RPGRIP1: variants seen among roughly 807,000 people sequenced by gnomAD.
RPGRIP1 encodes the protein X-linked retinitis pigmentosa GTPase regulator-interacting protein 1.
In RPGRIP1, 128 loss-of-function variants were observed where a neutral mutation model predicts 157.9. That is an observed-to-expected ratio of 0.81 (90% CI 0.70 to 0.94). RPGRIP1 has a LOEUF of 0.94. Ranked by LOEUF, RPGRIP1 falls within the 40% of genes least tolerant of loss-of-function variation. The pLI is 0.00. For missense variants in RPGRIP1, 1,486 were observed against 1,545.8 expected (o/e 0.96, Z 0.65); for synonymous variants, 554 against 571.6 (o/e 0.97, Z 0.44).
intron 21 of RPGRIP1, among the ~76,000 whole-genome samples, chr14:21,341,750 G>A (rs1594262014): frequency 6.6e-6 from 1 of 152,056 alleles, no homozygotes; most frequent in Non-Finnish European, 1.5e-5. Flanking sequence ...ACTGTGAAGT[G>A]GGATTGAAAA....
intron 2 of RPGRIP1, among the ~76,000 whole-genome samples, chr14:21,291,364 T>A (rs1183558967): frequency 6.6e-6 from 1 of 152,242 alleles, no homozygotes; most frequent in East Asian, 1.9e-4. Flanking sequence ...GTTCAGGAAC[T>A]ACCTACCTGG....
chr14:21,333,313 T>C (rs1207965749), intron 20 of RPGRIP1, among the ~76,000 whole-genome samples: 1 of 152,138 alleles, frequency 6.6e-6, no homozygotes, highest in Non-Finnish European at 1.5e-5. Flanking sequence ...CATTTCCACA[T>C]ATGTAGACAA....
chr14:21,304,420 A>G lies in RPGRIP1; in HGVS notation c.800+877A>G, dbSNP rs149548010. 3.0e-3 allele frequency among the ~76,000 whole-genome samples: 455 copies of G among 150,908 alleles called. 3 individuals carry two copies. Among genetic ancestry groups the G allele is most frequent in the African/African-American group, 0.01 (417 of 41,190 alleles). On this transcript the variant is annotated intron_variant, in intron 6 of 24. Coordinates refer to ENST00000400017, the MANE Select transcript of RPGRIP1 (RefSeq NM_020366.4). ...GAAAGAAAGAAAGAAAGAAAGAAAG[A>G]AAGAAAGAAAGAAAGAAAGAAAGAA...
chr14:21,314,327 G>A (rs1881672745), intron 10 of RPGRIP1, among the ~76,000 whole-genome samples: 1 of 152,094 alleles, frequency 6.6e-6, no homozygotes, highest in South Asian at 2.1e-4. Flanking sequence ...CAAGTGATCT[G>A]CCTGCCTTGG....
intron 8 of RPGRIP1, 129 bp from the exon 9 acceptor site, chr14:21,311,695 A>T (rs1405932620): frequency 5.7e-6 from 4 of 700,736 alleles, no homozygotes; most frequent in East Asian, 2.8e-5. Flanking sequence ...AACAGTACAA[A>T]GGTAATAAGC....
At chr14:21,350,839 A>T (rs1311849744) in intron 24 of RPGRIP1, among the ~76,000 whole-genome samples, 1 of 152,172 alleles carries the variant, frequency 6.6e-6, no homozygotes, top group African/African-American at 2.4e-5. Context: ...AATCCACTTA[A>T]GACTTTTCTG....
At chr14:21,339,632 A>G (rs1040658413) in intron 21 of RPGRIP1, among the ~76,000 whole-genome samples, 1 of 152,110 alleles carries the variant, frequency 6.6e-6, no homozygotes, top group African/African-American at 2.4e-5. Flanking sequence ...TTAACTGCTG[A>G]TCGATATTGC....
intron 19 of RPGRIP1, 48 bp from the exon 20 acceptor site, chr14:21,330,201 A>G (rs1374416021): frequency 1.4e-6 from 2 of 1,389,604 alleles, no homozygotes. Context: ...TGAAGAAAGA[A>G]AACCAAGATA....
intron 2 of RPGRIP1, among the ~76,000 whole-genome samples, chr14:21,293,701 A>G (rs1880631099): frequency 1.3e-5 from 2 of 151,934 alleles, no homozygotes; most frequent in Non-Finnish European, 2.9e-5. Context: ...ACATGGAGAA[A>G]CCCCGTCTCT....
At chr14:21,292,374 A>T (rs995561174) in intron 2 of RPGRIP1, among the ~76,000 whole-genome samples, 42 of 152,100 alleles carry the variant, frequency 2.8e-4, no homozygotes, top group African/African-American at 9.9e-4. Flanking sequence ...AGAAAAAAAA[A>T]TTTTGATGTC....
Position 21,282,502 on chromosome 14 carries a change from CT to C in RPGRIP1, c.-39+2344del, listed in dbSNP as rs34098826. Among the ~76,000 whole-genome samples the C allele has an allele frequency of 5.3e-3, 799 of 152,162 alleles. 7 individuals are homozygous for C. Among genetic ancestry groups the C allele is most frequent in the African/African-American group, 0.018 (749 of 41,516 alleles). On this transcript the variant is annotated intron_variant, in intron 1 of 24. Coordinates refer to ENST00000400017, the MANE Select transcript of RPGRIP1 (RefSeq NM_020366.4). ...CAGCCCGCCTCAGCCTCCCATAGTG[CT>C]GGGATTACAGGCGTGAGCCACCACG...
chr14:21,294,653 A>G, intron 2 of RPGRIP1, 24 bp from the exon 3 acceptor site: 2 of 1,610,930 alleles, frequency 1.2e-6, no homozygotes, highest in Non-Finnish European at 1.7e-6. Context: ...AATACTGTCC[A>G]TTTACTGTTT....
Position 21,288,041 on chromosome 14 carries a change from T to C in RPGRIP1, c.65T>C (p.Leu22Pro). The change falls in exon 2 of 25, where the codon CTG (leucine) becomes CCG (proline). Residue 22 changes from leucine to proline, a missense_variant. By Grantham distance (98) the Leu-to-Pro change is moderately conservative (BLOSUM62 -3). Transcript: ENST00000400017. ...LPVRDIDAIP[L>P]VLPASKGKNM... ...GTTAGAGACATAGATGCTATACCTC[T>C]GGTGCTACCAGCCTCAAAAGGTAAC... 3 of 1,612,668 alleles carry C rather than the reference T, an allele frequency of 1.9e-6. No individual in the cohort carries two copies. Among genetic ancestry groups the C allele is most frequent in the Non-Finnish European group, 2.5e-6 (3 of 1,178,706 alleles).
At chr14:21,307,160 CGATTCTCTTGCCCAGTGTCCATAGCT>C (rs1881351881) in intron 6 of RPGRIP1, among the ~76,000 whole-genome samples, 2 of 152,154 alleles carry the variant, frequency 1.3e-5, no homozygotes, top group Admixed American at 1.3e-4. Flanking sequence ...GCAGTTCAAG[CGATTCTCTTGCCCAGTGTCCATAGCT>C]GGGATGACAG....
chr14:21,311,933 T>G lies in RPGRIP1; in HGVS notation c.1040T>G (p.Leu347Arg), dbSNP rs374092592. The change falls in exon 9 of 25, where the codon CTG becomes CGG. Residue 347 changes from leucine (L) to arginine (R), a missense_variant. Coordinates refer to ENST00000400017, the MANE Select transcript of RPGRIP1 (RefSeq NM_020366.4). ...AAGGCTGTGAGCTTGAAGAGCCAAC[T>G]GGAAGATGTGTCTATCTTGCAGATG... The part of the protein sequence containing the change: ...SKKAVSLKSQ[L>R]EDVSILQMTL... 1 of 1,613,382 alleles carries G rather than the reference T, an allele frequency of 6.2e-7. No individual in the cohort carries two copies. Among genetic ancestry groups the G allele is most frequent in the Non-Finnish European group, 8.5e-7 (1 of 1,179,724 alleles).
At position 21,287,160 on chromosome 14, in the gene RPGRIP1, G is replaced by A. The variant is rs139617082; in HGVS notation, c.-38-779G>A. Among the ~76,000 whole-genome samples, 181 of 152,316 alleles carry A rather than the reference G, an allele frequency of 1.2e-3. 3 individuals are homozygous for A. The East Asian group carries it at 0.034, about 28-fold the overall frequency. On this transcript the variant is annotated intron_variant, in intron 1 of 24. Transcript: ENST00000400017. ...CGCCTGTAATCCCAACACTTTGGGA[G>A]GCCGAGGCGGGCAGATCACCTAAAG...
intron 3 of RPGRIP1, among the ~76,000 whole-genome samples, chr14:21,296,882 G>A (rs1396361982): frequency 6.6e-6 from 1 of 151,218 alleles, no homozygotes; most frequent in African/African-American, 2.4e-5. Context: ...AACCCAGGAG[G>A]CAGAGGTTGC....
At chr14:21,301,266 G>A (rs1881017639) in intron 4 of RPGRIP1, 29 bp downstream of exon 4, 1 of 1,563,368 alleles carries the variant, frequency 6.4e-7, no homozygotes, top group African/African-American at 1.4e-5. Context: ...TCCCCTACAG[G>A]GCTAAGACAC....
chr14:21,312,803 C>T (rs1881596344), intron 10 of RPGRIP1, among the ~76,000 whole-genome samples: 1 of 151,548 alleles, frequency 6.6e-6, no homozygotes, highest in South Asian at 2.1e-4. Context: ...ATTCTCCTGA[C>T]TCTTCTTCCT....
Sources: gnomAD v4.1 joint callset for allele counts (sites outside exome capture counted in the v4.1 genomes callset) on GRCh38, gnomAD v4.1.1 for gene constraint, MANE v1.5 for transcripts, NCBI Gene and HGNC (gene_info 2026-07-23, HGNC 2026-07-21) for gene names.